The following ELFN1 variants were observed in gnomAD, a reference collection of about 807,000 sequenced individuals.
ELFN1 encodes the protein extracellular leucine rich repeat and fibronectin type III domain containing 1.
In ELFN1, 6 loss-of-function variants were observed where a neutral mutation model predicts 7.6. The ratio of observed to expected loss-of-function variants is 0.79; its 90% CI spans 0.43 to 1.56. ELFN1 has a LOEUF of 1.56. Ranked by LOEUF, ELFN1 falls within the 40% of genes most tolerant of loss-of-function variation. ELFN1 has a pLI of 0.01. For synonymous variants in ELFN1, 657 were observed against 588.1 expected (o/e 1.12, Z -1.70); for missense variants, 1,169 against 1,232.2 (o/e 0.95, Z 0.77).
intron 1 of ELFN1, among the ~76,000 whole-genome samples, chr7:1,684,862 TTTAAAAGAAGTTAA>T (rs1337667500): frequency 6.6e-6 from 1 of 152,228 alleles, no homozygotes; most frequent in African/African-American, 2.4e-5. Flanking sequence ...ATCTTATGTT[TTTAAAAGAAGTTAA>T]GGGAAGGAAA....
intron 3 of ELFN1, among the ~76,000 whole-genome samples, chr7:1,731,502 G>A (rs779654337): frequency 1.3e-5 from 2 of 152,194 alleles, no homozygotes; most frequent in African/African-American, 2.4e-5. Flanking sequence ...GGCCTCATGA[G>A]AGGGTGACCA....
At chr7:1,732,071 G>T (rs948396609) in intron 3 of ELFN1, among the ~76,000 whole-genome samples, 1 of 152,186 alleles carries the variant, frequency 6.6e-6, no homozygotes, top group Non-Finnish European at 1.5e-5. Context: ...CCGAGCTTTC[G>T]GTGCAGAAGG....
intron 3 of ELFN1, chr7:1,742,143 C>T (rs749914440): frequency 2.0e-5 from 3 of 152,412 alleles, no homozygotes; most frequent in Admixed American, 6.5e-5. Flanking sequence ...CCGGAGCAGC[C>T]CCAGGCCCCC....
intron 1 of ELFN1, among the ~76,000 whole-genome samples, chr7:1,680,442 C>T (rs925253415): frequency 9.2e-5 from 14 of 152,284 alleles, no homozygotes; most frequent in South Asian, 2.1e-4. Flanking sequence ...ACCTGGGGGA[C>T]GATGCTGAAA....
chr7:1,745,561 A>G lies in ELFN1; in HGVS notation c.965A>G (p.Lys322Arg), dbSNP rs1780755931. 6.5e-7 allele frequency: 1 copy of G among 1,550,064 alleles called. No homozygotes were observed. The change falls in exon 4 of 4, where the codon AAG (lysine) becomes AGG (arginine). Residue 322 changes from lysine to arginine, a missense_variant. Transcript: ENST00000424383. ...QAEARPLIKV[K>R]QLTQNSATIT... Reference sequence around the variant, plus strand: ...GAGGCCCGCCCCCTCATCAAGGTCAAGCAGCTCACTCAGAACTCGGCCACC... The same window carrying G: ...GAGGCCCGCCCCCTCATCAAGGTCAGGCAGCTCACTCAGAACTCGGCCACC...
chr7:1,681,796 G>A (rs551903670), intron 1 of ELFN1, among the ~76,000 whole-genome samples: 34 of 152,352 alleles, frequency 2.2e-4, no homozygotes, highest in Middle Eastern at 3.4e-3. Context: ...TCTTCAGGCG[G>A]ATGTGTAATG....
Position 1,745,915 on chromosome 7 carries a change from T to C in ELFN1, c.1319T>C (p.Leu440Pro), listed in dbSNP as rs898846750. ...GTGCTGGGCGCCGTCTACTACTGCCTGCGCAGGCGGCGGCGCCAGGAGGAG... is the reference window on the plus strand; with the variant it reads ...GTGCTGGGCGCCGTCTACTACTGCCCGCGCAGGCGGCGGCGCCAGGAGGAG... ...VLVLGAVYYC[L>P]RRRRRQEEKH... Residue 440 changes from leucine (L) to proline (P), a missense_variant, in exon 4 of 4, where the codon CTG becomes CCG. Around this residue, in one of 2 missense-constraint regions of ELFN1, gnomAD observed 914 missense variants for 872.6 expected, o/e 1.05. Transcript: ENST00000424383. 1 of 1,575,460 alleles carries C rather than the reference T, an allele frequency of 6.3e-7. No homozygotes were observed. The highest frequency in any genetic ancestry group is 8.6e-7 in the Non-Finnish European group (1 of 1,162,648).
chr7:1,736,436 C>T (rs891400269), intron 3 of ELFN1, among the ~76,000 whole-genome samples: 2 of 152,230 alleles, frequency 1.3e-5, no homozygotes, highest in Non-Finnish European at 1.5e-5. Context: ...GACAGATGCA[C>T]GCCCGTCCCA....
chr7:1,703,118 C>A (rs1201281825), intron 2 of ELFN1, among the ~76,000 whole-genome samples: 2 of 152,140 alleles, frequency 1.3e-5, no homozygotes, highest in Non-Finnish European at 2.9e-5. Context: ...ACTGTATTTT[C>A]TAAAAATTTG....
chr7:1,716,224 G>T (rs1779827143), intron 3 of ELFN1, among the ~76,000 whole-genome samples: 1 of 152,200 alleles, frequency 6.6e-6, no homozygotes, highest in African/African-American at 2.4e-5. Context: ...CTACTACCCT[G>T]CAATCCAGCC....
chr7:1,724,882 C>A (rs1209597967), intron 3 of ELFN1, among the ~76,000 whole-genome samples: 1 of 152,180 alleles, frequency 6.6e-6, no homozygotes, highest in Non-Finnish European at 1.5e-5. Flanking sequence ...GCCTCTTTGC[C>A]AACTTCTGAG....
At chr7:1,671,181 C>A (rs1038049189) in intron 1 of ELFN1, among the ~76,000 whole-genome samples, 1 of 149,084 alleles carries the variant, frequency 6.7e-6, no homozygotes, top group Non-Finnish European at 1.5e-5. Context: ...CCCCCCCCCC[C>A]ATAAAAACGA....
intron 3 of ELFN1, among the ~76,000 whole-genome samples, chr7:1,742,677 G>C (rs1205083057): frequency 6.6e-6 from 1 of 152,206 alleles, no homozygotes. Flanking sequence ...GGCGTCCCCT[G>C]GCCACTCCAG....
chr7:1,734,843 G>A (rs549136798), intron 3 of ELFN1, among the ~76,000 whole-genome samples: 96 of 152,026 alleles, frequency 6.3e-4, no homozygotes, highest in African/African-American at 2.3e-3. Flanking sequence ...GATCACAGGC[G>A]CACGCCACCA....
chr7:1,731,211 G>A (rs555315958), intron 3 of ELFN1, among the ~76,000 whole-genome samples: 10 of 152,164 alleles, frequency 6.6e-5, no homozygotes, highest in African/African-American at 1.2e-4. Flanking sequence ...AATATTACCC[G>A]AAAGTCTTTC....
At position 1,695,768 on chromosome 7, in the gene ELFN1, A is replaced by AC. The variant is rs1779293222; in HGVS notation, c.-456+7618_-456+7619insC. Among the ~76,000 whole-genome samples, 1 of 151,644 alleles carries AC rather than the reference A, an allele frequency of 6.6e-6. No homozygotes were observed. The highest frequency in any genetic ancestry group is 1.5e-5 in the Non-Finnish European group (1 of 67,880). ...GTGTCAAAAAAAAAAAAAAAAAAAA[A>AC]AAAACCGTGCTGGTTTGGTTTCACT... is the stretch of plus-strand genomic sequence containing the variant. On this transcript the variant is annotated intron_variant, in intron 2 of 3. Coordinates refer to ENST00000424383, the MANE Select transcript of ELFN1 (RefSeq NM_001128636.4). The surrounding 1 kb of genome is among the most constrained non-coding windows in gnomAD (Gnocchi z 5.1).
upstream of ELFN1, among the ~76,000 whole-genome samples, chr7:1,666,920 C>T (rs1047820295): frequency 8.6e-5 from 13 of 151,872 alleles, no homozygotes; most frequent in Admixed American, 7.9e-4. The surrounding 1 kb of genome is among the most constrained non-coding windows in gnomAD (Gnocchi z 7.9). Context: ...GAAGGACCCG[C>T]TCGCGGCTAT....
At chr7:1,690,962 A>G (rs1562360633) in intron 2 of ELFN1, among the ~76,000 whole-genome samples, 2 of 152,210 alleles carry the variant, frequency 1.3e-5, no homozygotes, top group Admixed American at 1.3e-4. Context: ...AGTGGATGAT[A>G]CATACAGAGA....
intron 3 of ELFN1, among the ~76,000 whole-genome samples, chr7:1,716,412 G>C (rs940426786): frequency 2.0e-5 from 3 of 152,208 alleles, no homozygotes; most frequent in Admixed American, 6.5e-5. Context: ...CATCTGGGCA[G>C]GTGCCACTGA....
Sources: allele counts gnomAD v4.1 joint callset (sites outside exome capture counted in the v4.1 genomes callset), GRCh38; gene constraint gnomAD v4.1.1; regional missense constraint gnomAD v4.1.1; non-coding constraint Gnocchi (gnomAD v3.1); transcripts MANE v1.5; gene names NCBI Gene and HGNC (gene_info 2026-07-23, HGNC 2026-07-21).